The following OR1J2 variants were observed in gnomAD, a reference collection of about 807,000 sequenced individuals.
OR1J2 encodes the protein olfactory receptor 1J2.
For synonymous variants in OR1J2, 142 were observed against 99.7 expected (o/e 1.42, Z -2.52); for missense variants, 304 against 246.1 (o/e 1.24, Z -1.57).
At chr9:122,447,588 A>G in the OR1J2 span, 2 of 152,016 alleles carry the variant, frequency 1.3e-5, no homozygotes, top group African/African-American at 4.8e-5. Context: ...GAGAGACACT[A>G]GACTTTCTGT....
chr9:122,564,505 G>A, the OR1J2 span, among the ~76,000 whole-genome samples: 1 of 152,186 alleles, frequency 6.6e-6, no homozygotes, highest in Non-Finnish European at 1.5e-5. Flanking sequence ...TGGAGAAATT[G>A]CAGAGATTCG....
At chr9:122,470,751 C>A in the OR1J2 span, among the ~76,000 whole-genome samples, 60 of 152,276 alleles carry the variant, frequency 3.9e-4, no homozygotes, top group East Asian at 6.4e-3. Context: ...TGGAGCTGCC[C>A]AAGACTATGG....
the OR1J2 span, among the ~76,000 whole-genome samples, chr9:122,542,775 G>A: frequency 2.1e-3 from 325 of 152,210 alleles, 2 homozygotes; most frequent in African/African-American, 7.3e-3. Context: ...GTCAAGATAC[G>A]GACTTCACTC....
the OR1J2 span, among the ~76,000 whole-genome samples, chr9:122,538,429 C>T: frequency 3.3e-5 from 5 of 152,094 alleles, no homozygotes; most frequent in African/African-American, 1.2e-4. Context: ...TTGTTCTCAG[C>T]TACAGTGTTG....
the OR1J2 span, among the ~76,000 whole-genome samples, chr9:122,520,572 C>G: frequency 1.3e-5 from 2 of 152,226 alleles, no homozygotes; most frequent in Admixed American, 6.5e-5. Context: ...AGCTGTTCCA[C>G]TTCAGAACTT....
the OR1J2 span, chr9:122,519,467 T>C: frequency 1.1e-5 from 17 of 1,614,014 alleles, no homozygotes; most frequent in Non-Finnish European, 1.4e-5. Context: ...TTTTCACTGA[T>C]CTAGACAATT....
the OR1J2 span, among the ~76,000 whole-genome samples, chr9:122,570,942 G>A: frequency 6.6e-6 from 1 of 152,200 alleles, no homozygotes; most frequent in Non-Finnish European, 1.5e-5. Context: ...GAGGCTTAGA[G>A]AGGTGAAGTG....
At chr9:122,539,516 G>A in the OR1J2 span, among the ~76,000 whole-genome samples, 6 of 152,240 alleles carry the variant, frequency 3.9e-5, no homozygotes, top group South Asian at 1.2e-3. Context: ...GTCTATCATT[G>A]TTGGACATTT....
At chr9:122,470,403 G>A in the OR1J2 span, among the ~76,000 whole-genome samples, 1,545 of 152,320 alleles carry the variant, frequency 0.01, 17 homozygotes, top group African/African-American at 0.036. Flanking sequence ...AATTGAGGTT[G>A]GGAACCTCTG....
the OR1J2 span, among the ~76,000 whole-genome samples, chr9:122,556,103 A>G: frequency 6.6e-6 from 1 of 152,122 alleles, no homozygotes; most frequent in Admixed American, 6.6e-5. Flanking sequence ...TTTTCCCAGA[A>G]TGTTATGTAG....
downstream of OR1J2, among the ~76,000 whole-genome samples, chr9:122,513,969 T>G (rs534700939): frequency 6.6e-6 from 1 of 152,232 alleles, no homozygotes; most frequent in Admixed American, 6.5e-5. Context: ...GTGAATAAAA[T>G]AAAACATCTT....
chr9:122,546,110 A>G, the OR1J2 span, among the ~76,000 whole-genome samples: 1 of 152,140 alleles, frequency 6.6e-6, no homozygotes, highest in African/African-American at 2.4e-5. Context: ...TGCATCTGAG[A>G]AAACTCATTT....
At chr9:122,536,565 C>T in the OR1J2 span, among the ~76,000 whole-genome samples, 1 of 152,204 alleles carries the variant, frequency 6.6e-6, no homozygotes, top group South Asian at 2.1e-4. Flanking sequence ...AGATATCTTC[C>T]CGACTATAGG....
chr9:122,554,820 A>T, the OR1J2 span, among the ~76,000 whole-genome samples: 1 of 152,106 alleles, frequency 6.6e-6, no homozygotes, highest in Non-Finnish European at 1.5e-5. Flanking sequence ...TGTAGTAAAT[A>T]GATTAAAAGT....
chr9:122,553,833 CT>C, the OR1J2 span: 2 of 1,613,952 alleles, frequency 1.2e-6, no homozygotes, highest in Non-Finnish European at 1.7e-6. Context: ...CATGGGCTTG[CT>C]GTTCCTCACT....
chr9:122,532,874 G>C, the OR1J2 span, among the ~76,000 whole-genome samples: 59 of 152,112 alleles, frequency 3.9e-4, no homozygotes, highest in African/African-American at 1.3e-3. Context: ...AGGGATTGAG[G>C]TTTGGGAGAT....
chr9:122,528,601 T>G, the OR1J2 span, among the ~76,000 whole-genome samples: 1 of 152,058 alleles, frequency 6.6e-6, no homozygotes, highest in Non-Finnish European at 1.5e-5. Context: ...CCGTCTAAAA[T>G]AAATAAATAA....
At chr9:122,487,508 C>CTGTAAGCA in the OR1J2 span, among the ~76,000 whole-genome samples, 4 of 150,874 alleles carry the variant, frequency 2.7e-5, no homozygotes, top group Admixed American at 2.0e-4. Flanking sequence ...TTAATGGAGT[C>CTGTAAGCA]TGTAAGCATT....
chr9:122,554,233 C>A, the OR1J2 span: 1 of 1,188,448 alleles, frequency 8.4e-7, no homozygotes, highest in Non-Finnish European at 1.2e-6. Flanking sequence ...AGTAATTCTA[C>A]TACTGTCATG....
Sources: allele counts gnomAD v4.1 joint callset (sites outside exome capture counted in the v4.1 genomes callset), GRCh38; gene constraint gnomAD v4.1.1; transcripts MANE v1.5; gene names NCBI Gene and HGNC (gene_info 2026-07-23, HGNC 2026-07-21).